Variants in ARHGEF9 observed in about 807,000 individuals in gnomAD.
ARHGEF9 encodes the protein Cdc42 guanine nucleotide exchange factor 9.
Under a neutral mutation model 41.3 loss-of-function variants are expected in ARHGEF9, and 2 were observed. The observed-to-expected ratio is 0.05, with a 90% CI of 0.02 to 0.15. The LOEUF (loss-of-function observed/expected upper bound fraction) is 0.15. Ranked by LOEUF, ARHGEF9 falls within the 10% of genes least tolerant of loss-of-function variation. The pLI, the probability that ARHGEF9 is intolerant of heterozygous loss-of-function variation, is 1.00. For synonymous variants in ARHGEF9, 160 were observed against 154.4 expected (o/e 1.04, Z -0.27); for missense variants, 225 against 424.7 (o/e 0.53, Z 4.13).
chrX:63,666,453 TACACAC>T (rs782805278), intron 6 of ARHGEF9, among the ~76,000 whole-genome samples: 68 of 81,262 alleles, frequency 8.4e-4, no homozygotes, highest in African/African-American at 1.7e-3. Context: ...TATATATACA[TACACAC>T]ACACACACAC....
At chrX:63,755,694 A>G (rs1365262321) in intron 1 of ARHGEF9, 3 of 244,463 alleles carry the variant, frequency 1.2e-5, no homozygotes, top group South Asian at 2.1e-4. Context: ...GCTTTTGGCC[A>G]CTGCCTAAGA....
At chrX:63,666,697 T>A (rs1471129619) in intron 6 of ARHGEF9, among the ~76,000 whole-genome samples, 1 of 110,462 alleles carries the variant, frequency 9.1e-6, no homozygotes, top group Non-Finnish European at 1.9e-5. Flanking sequence ...CTTATAATTG[T>A]TTTTCCTTCT....
intron 2 of ARHGEF9, among the ~76,000 whole-genome samples, chrX:63,721,817 A>T (rs1332564992): frequency 9.0e-6 from 1 of 110,895 alleles, no homozygotes; most frequent in Non-Finnish European, 1.9e-5. Flanking sequence ...GGGAAGGTAT[A>T]TCAGCTCCTA....
At chrX:63,783,079 C>G (rs1556463247) in intron 1 of ARHGEF9, among the ~76,000 whole-genome samples, 1 of 111,991 alleles carries the variant, frequency 8.9e-6, no homozygotes, top group East Asian at 2.8e-4. Flanking sequence ...ACAGTCTCCA[C>G]AAGATGTCTG....
chrX:63,651,904 T>C (rs1251248543), intron 8 of ARHGEF9, among the ~76,000 whole-genome samples: 3 of 109,091 alleles, frequency 2.8e-5, no homozygotes, highest in African/African-American at 6.6e-5. Flanking sequence ...ATTAAGCATA[T>C]GAAAAAAAAA....
intron 8 of ARHGEF9, among the ~76,000 whole-genome samples, chrX:63,649,086 C>G (rs1378868178): frequency 9.0e-6 from 1 of 111,244 alleles, no homozygotes; most frequent in Non-Finnish European, 1.9e-5. Flanking sequence ...GAACTCAGCT[C>G]TGCACCAAGC....
At chrX:63,715,254 T>C (rs1556409396) in intron 2 of ARHGEF9, among the ~76,000 whole-genome samples, 3 of 112,233 alleles carry the variant, frequency 2.7e-5, no homozygotes, top group African/African-American at 9.7e-5. Flanking sequence ...TAGAAGTTCA[T>C]TTATTCTGTA....
intron 2 of ARHGEF9, among the ~76,000 whole-genome samples, chrX:63,722,416 T>G (rs781939894): frequency 1.8e-4 from 19 of 108,365 alleles, no homozygotes; most frequent in South Asian, 1.2e-3. Context: ...TTTTGTTTTT[T>G]TTTTTTTTTT....
At chrX:63,749,543 A>G (rs2055485987) in intron 1 of ARHGEF9, among the ~76,000 whole-genome samples, 1 of 111,878 alleles carries the variant, frequency 8.9e-6, no homozygotes, top group Non-Finnish European at 1.9e-5. Flanking sequence ...CCCTCCCTAC[A>G]TTCAACATCA....
rs140980594 is a variant in ARHGEF9, at chrX:63,738,655, T to C, written c.31-13944A>G. Among the ~76,000 whole-genome samples the C allele has an allele frequency of 2.9e-3, 321 of 111,444 alleles. 1 individual carries two copies. Among genetic ancestry groups the C allele is most frequent in the African/African-American group, 0.01 (309 of 30,651 alleles). ...TGAATACTGTAGTCATTTTGGAGGTTTGAGCAGCAAAAGTGAAGATAACAA... is the reference window on the plus strand; with the variant it reads ...TGAATACTGTAGTCATTTTGGAGGTCTGAGCAGCAAAAGTGAAGATAACAA... On this transcript the variant is annotated intron_variant, in intron 1 of 9. Coordinates refer to ENST00000671741, the MANE Select transcript of ARHGEF9 (RefSeq NM_001353921.2).
At chrX:63,740,265 G>C (rs1407458391) in intron 1 of ARHGEF9, among the ~76,000 whole-genome samples, 8 of 111,872 alleles carry the variant, frequency 7.2e-5, no homozygotes, top group African/African-American at 2.0e-4. Context: ...TGTATATGTG[G>C]GGGTAATCTC....
chrX:63,691,407 T>A (rs1477099541), intron 4 of ARHGEF9, among the ~76,000 whole-genome samples: 2 of 106,820 alleles, frequency 1.9e-5, no homozygotes, highest in East Asian at 3.0e-4. Context: ...TAAAAAAAAA[T>A]AGGAATAAAT....
intron 6 of ARHGEF9, among the ~76,000 whole-genome samples, chrX:63,669,547 C>A (rs1416279597): frequency 2.7e-5 from 3 of 111,462 alleles, no homozygotes; most frequent in Non-Finnish European, 3.8e-5. Flanking sequence ...ACTTCATTTG[C>A]TCCCACTCTC....
intron 7 of ARHGEF9, chrX:63,657,713 A>C (rs2048961582): frequency 9.0e-6 from 1 of 111,541 alleles, no homozygotes; most frequent in Non-Finnish European, 1.9e-5. Flanking sequence ...AAAAGGATAG[A>C]GTGATTCCCA....
chrX:63,783,464 C>A (rs1404538163), intron 1 of ARHGEF9, among the ~76,000 whole-genome samples: 1 of 110,961 alleles, frequency 9.0e-6, no homozygotes, highest in African/African-American at 3.3e-5. Context: ...CCACGTTGGT[C>A]AGGCTGTTCT....
At chrX:63,712,050 G>T (rs1299341558) in intron 2 of ARHGEF9, among the ~76,000 whole-genome samples, 21 of 111,915 alleles carry the variant, frequency 1.9e-4, no homozygotes, top group South Asian at 7.4e-4. Flanking sequence ...TCTGAGAAAT[G>T]CAAACCAAAA....
Position 63,706,356 on chromosome X carries a change from G to T in ARHGEF9, c.304C>A (p.Arg102=). The change falls in exon 3 of 10, where the codon CGG becomes AGG. Residue 102 remains arginine (R), a synonymous_variant. Coordinates refer to ENST00000671741, the MANE Select transcript of ARHGEF9 (RefSeq NM_001353921.2). ...ATCTGGTCCCGGTTCTGTAGTGGCC[G>T]CCCCAGACAGAGGCAGTCTGAATTG... is the stretch of plus-strand genomic sequence containing the variant. The part of the protein sequence containing the change: ...DPNSDCLCLG[R]PLQNRDQMRA... 8.3e-7 allele frequency: 1 copy of T among 1,205,877 alleles called. No individual in the cohort carries two copies. Among genetic ancestry groups the T allele is most frequent in the South Asian group, 1.8e-5 (1 of 55,681 alleles).
At chrX:63,769,658 T>G (rs2056171463) in intron 1 of ARHGEF9, among the ~76,000 whole-genome samples, 1 of 111,503 alleles carries the variant, frequency 9.0e-6, no homozygotes, top group African/African-American at 3.3e-5. Context: ...GTATTCAATC[T>G]AGGGACTTGG....
intron 2 of ARHGEF9, among the ~76,000 whole-genome samples, chrX:63,712,349 C>T (rs1245086212): frequency 8.9e-6 from 1 of 111,931 alleles, no homozygotes; most frequent in African/African-American, 3.2e-5. Context: ...TTATACATAA[C>T]AACCAAAAGT....
Sources: allele counts gnomAD v4.1 joint callset (sites outside exome capture counted in the v4.1 genomes callset), GRCh38; gene constraint gnomAD v4.1.1; transcripts MANE v1.5; gene names NCBI Gene and HGNC (gene_info 2026-07-23, HGNC 2026-07-21).